Variants in ATG13 observed in about 807,000 individuals in gnomAD.
ATG13 encodes the protein autophagy related 13.
Under a neutral mutation model 65.5 loss-of-function variants are expected in ATG13, and 23 were observed. The ratio of observed to expected loss-of-function variants is 0.35; its 90% confidence interval spans 0.25 to 0.50. ATG13 has a LOEUF of 0.50. ATG13 is among the 20% of genes least tolerant of loss of function. The pLI is 0.98. For missense variants in ATG13, 566 were observed against 677.0 expected, an observed-to-expected ratio of 0.84 and a Z score of 1.82; for synonymous variants, 252 against 245.2, an observed-to-expected ratio of 1.03 and a Z score of -0.26.
intron 6 of ATG13, 47 bp from the exon 7 acceptor site, chr11:46,650,130 T>G (rs777401932): frequency 1.9e-6 from 3 of 1,599,618 alleles, no homozygotes; most frequent in Non-Finnish European, 2.6e-6. Flanking sequence ...CTTGTGTAGC[T>G]CCAGCGCTAA....
chr11:46,635,187 A>G (rs1377473817), intron 2 of ATG13, among the ~76,000 whole-genome samples: 1 of 150,674 alleles, frequency 6.6e-6, no homozygotes, highest in Non-Finnish European at 1.5e-5. Context: ...TTGTATTTTT[A>G]GTAGAGACGG....
intron 2 of ATG13, among the ~76,000 whole-genome samples, chr11:46,633,018 ATATATATATTTT>A (rs1334284131): frequency 9.9e-6 from 1 of 101,318 alleles, no homozygotes; most frequent in African/African-American, 6.1e-5. Context: ...ATATATATAT[ATATATATATTTT>A]TTTTTTTTTT....
Position 46,668,821 on chromosome 11 carries a change from G to C in ATG13, c.1357G>C (p.Glu453Gln). The C allele has an allele frequency of 6.2e-7, 1 of 1,613,818 alleles. No individual in the cohort carries two copies. Among genetic ancestry groups the C allele is most frequent in the Non-Finnish European group, 8.5e-7 (1 of 1,179,984 alleles). ...MVNPPDSPET[E>Q]SPLQGSLHSD... ...GAATCCTCCAGATTCCCCAGAGACT[G>C]AATCTCCTCTCCAGGGCAGCCTGCA... is the stretch of plus-strand genomic sequence containing the variant. The change falls in exon 17 of 19, where the codon GAA becomes CAA. Residue 453 changes from glutamate to glutamine, a missense_variant. Glu to Gln is a conservative substitution (Grantham distance 29). Transcript: ENST00000683050.
chr11:46,630,712 A>G (rs2051387297), intron 2 of ATG13, among the ~76,000 whole-genome samples: 1 of 151,786 alleles, frequency 6.6e-6, no homozygotes, highest in South Asian at 2.1e-4. Flanking sequence ...CTGGCTCTAC[A>G]GGTGCATGCC....
chr11:46,650,030 TA>T, intron 6 of ATG13, 146 bp from the exon 7 acceptor site: 1 of 839,182 alleles, frequency 1.2e-6, no homozygotes, highest in Non-Finnish European at 1.7e-6. Flanking sequence ...CATGAGAAAG[TA>T]AAACATTGGC....
In ATG13 at chr11:46,646,211, C is replaced by T. The variant is rs188487480; in HGVS notation, c.270+222C>T. Among the ~76,000 whole-genome samples the T allele has an allele frequency of 7.0e-3, 1,066 of 152,114 alleles. 8 individuals are homozygous for T. Among genetic ancestry groups the T allele is most frequent in the Middle Eastern group, 0.037 (11 of 294 alleles). On this transcript the variant is annotated intron_variant, in intron 5 of 18. Transcript: ENST00000683050. ...TCGCCCAGGCTGGAGTGCAGTGGAG[C>T]GATCTCGGCTCACTGCAACCTCTGC...
intron 11 of ATG13, 150 bp from the exon 12 acceptor site, chr11:46,663,847 G>A (rs903107965): frequency 3.0e-5 from 17 of 557,958 alleles, no homozygotes; most frequent in Non-Finnish European, 4.0e-5. Flanking sequence ...ACAGCCCCAC[G>A]CCCTTGCCCT....
chr11:46,619,205 T>G (rs2135505594), intron 1 of ATG13, among the ~76,000 whole-genome samples: 1 of 152,004 alleles, frequency 6.6e-6, no homozygotes, highest in East Asian at 1.9e-4. Flanking sequence ...AGAATAGAGG[T>G]ACTGTAGCCA....
intron 2 of ATG13, among the ~76,000 whole-genome samples, chr11:46,636,970 G>A (rs1457665535): frequency 1.3e-5 from 2 of 151,816 alleles, no homozygotes; most frequent in Non-Finnish European, 2.9e-5. Context: ...CTTGTAATTA[G>A]CCTGCCTTGG....
intron 15 of ATG13, among the ~76,000 whole-genome samples, 175 bp from the exon 16 acceptor site, chr11:46,668,324 G>A (rs976676714): frequency 2.0e-5 from 3 of 152,210 alleles, no homozygotes; most frequent in Non-Finnish European, 2.9e-5. Context: ...TATGTGATGG[G>A]GGACAGGGAG....
intron 6 of ATG13, 87 bp from the exon 7 acceptor site, chr11:46,650,090 G>T: frequency 7.0e-7 from 1 of 1,438,550 alleles, no homozygotes; most frequent in Non-Finnish European, 9.5e-7. Context: ...TCTCTGGTTA[G>T]TCAGAACATG....
At chr11:46,667,450 G>T (rs2062622140) in intron 14 of ATG13, among the ~76,000 whole-genome samples, 1 of 152,226 alleles carries the variant, frequency 6.6e-6, no homozygotes, top group African/African-American at 2.4e-5. Flanking sequence ...AGGAAACATG[G>T]CAGGGAGCCT....
chr11:46,668,757 A>G, intron 16 of ATG13, 37 bp from the exon 17 acceptor site: 1 of 1,556,484 alleles, frequency 6.4e-7, no homozygotes, highest in Non-Finnish European at 8.8e-7. Context: ...AATCTGGGTC[A>G]CAGCATCAGC....
chr11:46,648,822 A>T, intron 5 of ATG13: 2 of 168,314 alleles, frequency 1.2e-5, no homozygotes, highest in Non-Finnish European at 2.5e-5. Context: ...AACAACCTTT[A>T]TGTCCAAGAA....
chr11:46,636,758 A>G (rs1024288946), intron 2 of ATG13, among the ~76,000 whole-genome samples: 3 of 151,364 alleles, frequency 2.0e-5, no homozygotes, highest in Admixed American at 6.6e-5. Flanking sequence ...CGCTGGGCCT[A>G]TGTGATTTAG....
intron 2 of ATG13, among the ~76,000 whole-genome samples, chr11:46,634,771 G>A (rs1339240503): frequency 6.6e-6 from 1 of 151,546 alleles, no homozygotes; most frequent in African/African-American, 2.4e-5. Flanking sequence ...GCACGATCTC[G>A]GCTCACTGCA....
chr11:46,668,574 A>G lies in ATG13; in HGVS notation c.1327A>G (p.Met443Val), dbSNP rs1252757210. 3.1e-6 allele frequency: 5 copies of G among 1,613,996 alleles called. No homozygotes were observed. Among genetic ancestry groups the G allele is most frequent in the Admixed American group, 1.7e-5 (1 of 60,012 alleles). Residue 443 changes from methionine (M) to valine (V), a missense_variant and splice_region_variant, in exon 16 of 19, where the codon ATG (methionine) becomes GTG (valine). By Grantham distance (21) the Met-to-Val change is conservative. Coordinates refer to ENST00000683050, the MANE Select transcript of ATG13 (RefSeq NM_001346311.2). ...KNLELEDTDP[M>V]VNPPDSPETE... ...TTTGGAGCTGGAGGATACCGATCCA[A>G]TGGTGAGCCCACCGTTGACTACGAG...
At chr11:46,645,493 A>G (rs1379746089) in intron 4 of ATG13, 74 bp downstream of exon 4, 5 of 1,183,750 alleles carry the variant, frequency 4.2e-6, no homozygotes, top group Admixed American at 2.0e-5. Flanking sequence ...CTCAAGTGCA[A>G]TAATAAGTAA....
chr11:46,672,596 G>A lies in ATG13; in HGVS notation c.*264G>A. 2 of 1,423,244 alleles carry A rather than the reference G, an allele frequency of 1.4e-6. No homozygotes were observed. The highest frequency in any genetic ancestry group is 1.9e-6 in the Non-Finnish European group (2 of 1,075,654). The allele number at this position is 1,423,244 out of a possible 1,614,324, so 88.2% of individuals were successfully genotyped here. A position where few individuals can be genotyped will look rare whatever the true frequency, so the allele number is the denominator to read the frequency against. On this transcript the variant is annotated 3_prime_UTR_variant, in exon 19 of 19. Transcript: ENST00000683050. ...CTTCGTACGAAAAAGCCCTCAGCAG[G>A]GCCATCTGTGTGCCCTGCCCATCAC...
Sources: gnomAD v4.1 joint callset for allele counts (sites outside exome capture counted in the v4.1 genomes callset) on GRCh38, gnomAD v4.1.1 for gene constraint, MANE v1.5 for transcripts, NCBI Gene and HGNC (gene_info 2026-07-23, HGNC 2026-07-21) for gene names.